The following MORC3 variants were observed in gnomAD, a reference collection of about 807,000 sequenced individuals.
MORC3 encodes MORC family CW-type zinc finger protein 3.
A neutral mutation model predicts 109.1 loss-of-function variants in MORC3; 31 were observed. The ratio of observed to expected loss-of-function variants is 0.28; its 90% CI spans 0.21 to 0.38. MORC3 has a LOEUF of 0.38. Among genes scored for constraint, MORC3 ranks in the 10% least tolerant of loss-of-function variants. MORC3 has a pLI of 1.00. For synonymous variants in MORC3, 395 were observed against 380.7 expected (o/e 1.04, Z -0.44); for missense variants, 867 against 1,135.8 (o/e 0.76, Z 3.40).
Position 36,369,011 on chromosome 21 carries a change from G to T in MORC3, c.1643G>T (p.Arg548Leu), listed in dbSNP as rs748162865. 2 of 1,609,516 alleles carry T rather than the reference G, an allele frequency of 1.2e-6. No homozygotes were observed. The highest frequency in any genetic ancestry group is 1.7e-6 in the Non-Finnish European group (2 of 1,177,106). ...AGCTTGAAACGGAGACTTTCTACTC[G>T]TTCCTCAATTTTGAATGCAAAGAAT... ...SNSLKRRLSTRSSILNAKNRR... is the reference protein window; with the variant it reads ...SNSLKRRLSTLSSILNAKNRR... The change falls in exon 15 of 17, where the codon CGT becomes CTT. Residue 548 changes from arginine to leucine, a missense_variant. Coordinates refer to ENST00000400485, the MANE Select transcript of MORC3 (RefSeq NM_015358.3).
At chr21:36,352,719 G>A (rs906291077) in intron 9 of MORC3, among the ~76,000 whole-genome samples, 1 of 152,084 alleles carries the variant, frequency 6.6e-6, no homozygotes, top group African/African-American at 2.4e-5. Context: ...GCAGTTATTA[G>A]GGGGACTGAC....
chr21:36,336,665 C>T (rs1023454212), intron 2 of MORC3, among the ~76,000 whole-genome samples: 1 of 152,116 alleles, frequency 6.6e-6, no homozygotes, highest in Non-Finnish European at 1.5e-5. Context: ...CTATAATAGT[C>T]GATTAATATA....
rs752113318 is a variant in MORC3, at chr21:36,368,972, A to G, written c.1620-16A>G. 3 of 1,567,388 alleles carry G rather than the reference A, an allele frequency of 1.9e-6. No individual in the cohort carries two copies. The highest frequency in any genetic ancestry group is 2.6e-6 in the Non-Finnish European group (3 of 1,155,922). ...TATTTTATAATCTTATGTTTTATGT[A>G]TAAAATTTTTTTCAGCTTGAAACGG... On this transcript the variant is annotated splice_polypyrimidine_tract_variant and intron_variant, in intron 14 of 16. Coordinates refer to ENST00000400485, the MANE Select transcript of MORC3 (RefSeq NM_015358.3).
chr21:36,344,644 G>A lies in MORC3; in HGVS notation c.822G>A (p.Lys274=), dbSNP rs762918184. ...TCATCCTACGTGGACAGAAAGTGAA[G>A]ACACAGCTGGTTTCGAAGAGTCTTG... ...MQIILRGQKV[K]TQLVSKSLAY... Residue 274 remains lysine, a synonymous_variant, in exon 7 of 17, where the codon AAG becomes AAA. Transcript: ENST00000400485. The A allele has an allele frequency of 1.2e-6, 2 of 1,614,098 alleles. No individual in the cohort carries two copies. The highest frequency in any genetic ancestry group is 2.2e-5 in the South Asian group (2 of 91,068).
chr21:36,362,048 C>T, intron 12 of MORC3, 135 bp from the exon 13 acceptor site: 2 of 950,738 alleles, frequency 2.1e-6, no homozygotes, highest in African/African-American at 1.7e-5. Flanking sequence ...GAAAGTATTT[C>T]CTGAAGGGCT....
At chr21:36,337,703 A>T in intron 3 of MORC3, 29 bp from the exon 4 acceptor site, 1 of 1,448,468 alleles carries the variant, frequency 6.9e-7, no homozygotes. Context: ...ATAGGTATTT[A>T]TTTTTAAAAA....
intron 12 of MORC3, 60 bp from the exon 13 acceptor site, chr21:36,362,123 G>A (rs1226651394): frequency 1.3e-6 from 2 of 1,531,928 alleles, no homozygotes; most frequent in East Asian, 2.3e-5. Flanking sequence ...TAAATGGCAG[G>A]TATGTCATTG....
chr21:36,320,701 A>C, intron 1 of MORC3: 1 of 183,454 alleles, frequency 5.5e-6, no homozygotes, highest in Non-Finnish European at 1.1e-5. Context: ...GCGTCCAGAA[A>C]CGCCGGCGGC....
At chr21:36,364,039 G>T in intron 13 of MORC3, 54 bp from the exon 14 acceptor site, 1 of 1,542,976 alleles carries the variant, frequency 6.5e-7, no homozygotes, top group Non-Finnish European at 8.8e-7. Context: ...TTGTGTTTTG[G>T]GCATGTCACA....
At position 36,343,135 on chromosome 21, in the gene MORC3, G is replaced by T. The variant is rs1449520056; in HGVS notation, c.757-1444G>T. Reference sequence around the variant, plus strand: ...TTTGAGACGGAGTTTTGTTCTTGTTGCCCAGGCTGGAGTGCAATGGCATGA... The same window carrying T: ...TTTGAGACGGAGTTTTGTTCTTGTTTCCCAGGCTGGAGTGCAATGGCATGA... On this transcript the variant is annotated intron_variant, in intron 6 of 16. Transcript: ENST00000400485. Among the ~76,000 whole-genome samples the T allele has an allele frequency of 2.0e-5, 3 of 152,084 alleles. No individual in the cohort carries two copies. The East Asian group carries it at 5.8e-4, about 30-fold the overall frequency.
In MORC3 at chr21:36,334,109, G is replaced by T. The variant is rs568027786; in HGVS notation, c.112+391G>T. Among the ~76,000 whole-genome samples, 14 of 152,216 alleles carry T rather than the reference G, an allele frequency of 9.2e-5. No homozygotes were observed. The East Asian group carries it at 2.5e-3, about 27-fold the overall frequency. ...GCCTACAAAAATATTTTAAAAATCA[G>T]CTGGGTATGGTGGTGCAGGCCTGTG... On this transcript the variant is annotated intron_variant, in intron 2 of 16. Transcript: ENST00000400485.
chr21:36,327,611 A>G (rs2085263740), intron 1 of MORC3, among the ~76,000 whole-genome samples: 1 of 151,366 alleles, frequency 6.6e-6, no homozygotes, highest in African/African-American at 2.5e-5. Context: ...AGTTAAAAAC[A>G]ATAGATAAAT....
chr21:36,331,005 G>T (rs766754208), intron 1 of MORC3, among the ~76,000 whole-genome samples: 6 of 152,200 alleles, frequency 3.9e-5, no homozygotes, highest in Non-Finnish European at 7.3e-5. Flanking sequence ...TCTTCTTCAG[G>T]ATACTGTTTC....
intron 1 of MORC3, 54 bp downstream of exon 1, chr21:36,320,357 A>C: frequency 1.7e-5 from 21 of 1,239,300 alleles, no homozygotes; most frequent in South Asian, 3.5e-5. Context: ...CGGGCGGGCA[A>C]GCGAAGGGGG....
chr21:36,347,822 T>C (rs2085527772), intron 8 of MORC3: 1 of 152,102 alleles, frequency 6.6e-6, no homozygotes, highest in South Asian at 2.1e-4. Context: ...TATGACATCA[T>C]AAAGGGAGTA....
At chr21:36,332,790 CT>C (rs71197001) in intron 1 of MORC3, among the ~76,000 whole-genome samples, 90 of 139,824 alleles carry the variant, frequency 6.4e-4, no homozygotes, top group Non-Finnish European at 6.9e-4. Flanking sequence ...GGAACTCTTT[CT>C]TTTTTTTTTT....
intron 2 of MORC3, among the ~76,000 whole-genome samples, chr21:36,335,310 A>ATTT (rs144473276): frequency 1.7e-5 from 2 of 116,718 alleles, no homozygotes; most frequent in Non-Finnish European, 3.4e-5. Flanking sequence ...AAAAGAAGGA[A>ATTT]TTTTTTTTTT....
rs1326924725 is a variant in MORC3, at chr21:36,340,951, T to A, written c.609-448T>A. 2.0e-5 allele frequency among the ~76,000 whole-genome samples: 3 copies of A among 152,348 alleles called. No individual in the cohort carries two copies. The South Asian group carries it at 6.2e-4, about 32-fold the overall frequency. On this transcript the variant is annotated intron_variant, in intron 5 of 16. Coordinates refer to ENST00000400485, the MANE Select transcript of MORC3 (RefSeq NM_015358.3). ...TGCACCCAGCCAGTTTGCACTTTTTTCTTGCTGAGTAGTGTTTCATTGTAT... is the reference window on the plus strand; with the variant it reads ...TGCACCCAGCCAGTTTGCACTTTTTACTTGCTGAGTAGTGTTTCATTGTAT...
chr21:36,350,478 A>G (rs2085558299), intron 9 of MORC3, among the ~76,000 whole-genome samples: 1 of 150,200 alleles, frequency 6.7e-6, no homozygotes, highest in Non-Finnish European at 1.5e-5. Context: ...CAGGAGATTG[A>G]GGCTGCAATG....
Sources: gnomAD v4.1 joint callset for allele counts (sites outside exome capture counted in the v4.1 genomes callset) on GRCh38, gnomAD v4.1.1 for gene constraint, MANE v1.5 for transcripts, NCBI Gene and HGNC (gene_info 2026-07-23, HGNC 2026-07-21) for gene names.